The following PARD3B variants were observed in gnomAD, a reference collection of about 807,000 sequenced individuals.
The protein encoded by PARD3B is partitioning defective 3 homolog B.
A neutral mutation model predicts 130.2 loss-of-function variants in PARD3B; 103 were observed. The observed-to-expected ratio is 0.79, with a 90% CI of 0.67 to 0.93. PARD3B has a LOEUF of 0.93. Ranked by LOEUF, PARD3B falls within the 40% of genes least tolerant of loss-of-function variation. PARD3B has a pLI of 0.00. For synonymous variants in PARD3B, 583 were observed against 553.2 expected (o/e 1.05, Z -0.76); for missense variants, 1,609 against 1,499.2 (o/e 1.07, Z -1.21).
chr2:204,922,465 T>TC (rs2047718674), intron 2 of PARD3B, among the ~76,000 whole-genome samples: 1 of 152,066 alleles, frequency 6.6e-6, no homozygotes, highest in South Asian at 2.1e-4. Flanking sequence ...AATTTTTTTT[T>TC]CTTGGTATTA....
At position 204,906,858 on chromosome 2, in the gene PARD3B, C is replaced by T. The variant is rs926299392; in HGVS notation, c.223-58294C>T. On this transcript the variant is annotated intron_variant, in intron 2 of 22. Transcript: ENST00000406610. The surrounding 1 kb of genome is among the most constrained non-coding windows in gnomAD (Gnocchi z 4.3). ...TGAATTGGGATGCTTATGGTGATATCTTGGAGAATGTATGCTATTTGCAGA... is the reference window on the plus strand; with the variant it reads ...TGAATTGGGATGCTTATGGTGATATTTTGGAGAATGTATGCTATTTGCAGA... 4.6e-5 allele frequency among the ~76,000 whole-genome samples: 7 copies of T among 152,034 alleles called. No individual in the cohort carries two copies. Among genetic ancestry groups the T allele is most frequent in the African/African-American group, 1.7e-4 (7 of 41,394 alleles).
intron 1 of PARD3B, among the ~76,000 whole-genome samples, chr2:204,627,982 TGC>T (rs1436245371): frequency 3.3e-4 from 30 of 90,170 alleles, no homozygotes; most frequent in African/African-American, 8.5e-4. Context: ...TGAGTTTTTT[TGC>T]GTTTTTTTTT....
Position 205,619,539 on chromosome 2 carries a change from G to C in PARD3B, c.*3726G>C, listed in dbSNP as rs544883768. 2.0e-5 allele frequency: 3 copies of C among 152,284 alleles called. No individual in the cohort carries two copies. The highest frequency in any genetic ancestry group is 7.2e-5 in the African/African-American group (3 of 41,558). 9.4% of individuals were successfully genotyped at this position (152,284 alleles called of 1,614,324 possible). On this transcript the variant is annotated 3_prime_UTR_variant, in exon 23 of 23. Transcript: ENST00000406610. ...GGATTTGGACTCAGAAACAGCCACA[G>C]AAGTATTTCTCAGCACTCCCAGTTC... is the stretch of plus-strand genomic sequence containing the variant.
In PARD3B at chr2:204,764,696, G is replaced by C. The variant is rs575324564; in HGVS notation, c.222+78414G>C. 1.2e-4 allele frequency among the ~76,000 whole-genome samples: 17 copies of C among 140,856 alleles called. No individual in the cohort carries two copies. The East Asian group carries it at 3.4e-3, about 28-fold the overall frequency. The allele number at this position is 140,856 out of a possible 152,430, so 92.4% of individuals were successfully genotyped here. ...GGCAAGTTGGCTACCTGACCAGCAGGCTGAATCTGGCATGCATGCGTGTGT... is the reference window on the plus strand; with the variant it reads ...GGCAAGTTGGCTACCTGACCAGCAGCCTGAATCTGGCATGCATGCGTGTGT... On this transcript the variant is annotated intron_variant, in intron 2 of 22. Coordinates refer to ENST00000406610, the MANE Select transcript of PARD3B (RefSeq NM_001302769.2).
At chr2:205,382,732 A>G (rs1422589048) in intron 18 of PARD3B, among the ~76,000 whole-genome samples, 1 of 152,006 alleles carries the variant, frequency 6.6e-6, no homozygotes, top group East Asian at 1.9e-4. Flanking sequence ...TCGCTTAGTT[A>G]TGTCATTATG....
chr2:205,528,154 T>C (rs1295301139), intron 21 of PARD3B, among the ~76,000 whole-genome samples: 2 of 152,140 alleles, frequency 1.3e-5, no homozygotes, highest in East Asian at 3.9e-4. Context: ...ATCTGTACAG[T>C]CACAGTAGCC....
intron 3 of PARD3B, among the ~76,000 whole-genome samples, chr2:204,966,812 C>T (rs1691296568): frequency 6.6e-6 from 1 of 152,098 alleles, no homozygotes; most frequent in Non-Finnish European, 1.5e-5. Flanking sequence ...TTTGATAAGT[C>T]AGAGAAAACA....
At chr2:205,447,807 A>G (rs970632038) in intron 20 of PARD3B, among the ~76,000 whole-genome samples, 4 of 152,222 alleles carry the variant, frequency 2.6e-5, no homozygotes, top group Non-Finnish European at 5.9e-5. Flanking sequence ...TTCAGTGACA[A>G]AATTCATGAG....
intron 6 of PARD3B, among the ~76,000 whole-genome samples, chr2:205,115,894 A>G (rs188453732): frequency 6.6e-5 from 10 of 152,224 alleles, no homozygotes; most frequent in Admixed American, 6.5e-4. Flanking sequence ...TAATTTTTTT[A>G]CTAAGATTAC....
At chr2:204,709,501 T>G (rs1416278304) in intron 2 of PARD3B, among the ~76,000 whole-genome samples, 1 of 152,176 alleles carries the variant, frequency 6.6e-6, no homozygotes, top group African/African-American at 2.4e-5. Context: ...ATTATTCTCT[T>G]CTCTTTTATG....
At chr2:205,523,113 C>T (rs2051154317) in intron 21 of PARD3B, among the ~76,000 whole-genome samples, 1 of 151,388 alleles carries the variant, frequency 6.6e-6, no homozygotes, top group Non-Finnish European at 1.5e-5. Context: ...TCATTTCTAT[C>T]TGTTATGATA....
chr2:205,182,138 A>G (rs934105218), intron 13 of PARD3B, among the ~76,000 whole-genome samples: 1 of 152,122 alleles, frequency 6.6e-6, no homozygotes, highest in African/African-American at 2.4e-5. Flanking sequence ...TTAAAATACA[A>G]AAAATTAGCT....
At chr2:205,196,717 A>G (rs2036701067) in intron 15 of PARD3B, among the ~76,000 whole-genome samples, 1 of 152,108 alleles carries the variant, frequency 6.6e-6, no homozygotes, top group Admixed American at 6.6e-5. Flanking sequence ...ACATGTATTG[A>G]CTTCTCCGTT....
chr2:204,565,661 G>A (rs564444508), intron 1 of PARD3B, among the ~76,000 whole-genome samples: 2 of 152,318 alleles, frequency 1.3e-5, no homozygotes, highest in African/African-American at 4.8e-5. Flanking sequence ...AACAAATGCT[G>A]TCATCTGTTT....
In PARD3B at chr2:205,550,759, T is replaced by C. The variant is rs544274116; in HGVS notation, c.3181-2565T>C. Among the ~76,000 whole-genome samples the C allele has an allele frequency of 3.6e-4, 54 of 151,242 alleles. No individual in the cohort carries two copies. Among genetic ancestry groups the C allele is most frequent in the Non-Finnish European group, 6.6e-4 (45 of 67,848 alleles). On this transcript the variant is annotated intron_variant, in intron 21 of 22. Coordinates refer to ENST00000406610, the MANE Select transcript of PARD3B (RefSeq NM_001302769.2). The surrounding 1 kb of genome is among the most constrained non-coding windows in gnomAD (Gnocchi z 4.5). ...CATAGGTGTGTGTATGTATACTATA[T>C]ATAAATACATATATGTATATACATG...
At chr2:205,147,471 G>A (rs551504606) in intron 10 of PARD3B, among the ~76,000 whole-genome samples, 53 of 152,138 alleles carry the variant, frequency 3.5e-4, no homozygotes, top group Middle Eastern at 3.4e-3. Flanking sequence ...AATATGGAAT[G>A]GCCATTTTCT....
chr2:204,569,619 A>G (rs765520239), intron 1 of PARD3B, among the ~76,000 whole-genome samples: 1 of 152,186 alleles, frequency 6.6e-6, no homozygotes, highest in Non-Finnish European at 1.5e-5. Flanking sequence ...ATAGTTGTCT[A>G]TTAAGCAAGA....
intron 1 of PARD3B, among the ~76,000 whole-genome samples, chr2:204,614,980 T>A (rs1294542174): frequency 1.3e-5 from 2 of 152,200 alleles, no homozygotes; most frequent in African/African-American, 2.4e-5. Context: ...ATTACTCACT[T>A]TTATGTGAGG....
intron 1 of PARD3B, among the ~76,000 whole-genome samples, chr2:204,665,620 G>A (rs1408319080): frequency 6.6e-6 from 1 of 152,074 alleles, no homozygotes; most frequent in African/African-American, 2.4e-5. Flanking sequence ...GTGACCTCAG[G>A]GAGTGTGTAA....
Sources: allele counts gnomAD v4.1 joint callset (sites outside exome capture counted in the v4.1 genomes callset), GRCh38; gene constraint gnomAD v4.1.1; non-coding constraint Gnocchi (gnomAD v3.1); transcripts MANE v1.5; gene names NCBI Gene and HGNC (gene_info 2026-07-23, HGNC 2026-07-21).